The following MPZL1 variants were observed in gnomAD, a reference collection of about 807,000 sequenced individuals.
MPZL1 encodes the protein myelin protein zero like 1.
In MPZL1, 16 loss-of-function variants were observed where a neutral mutation model predicts 29.3. The ratio of observed to expected loss-of-function variants is 0.55; its 90% confidence interval spans 0.37 to 0.83. MPZL1 has a LOEUF of 0.83. Ranked by LOEUF, MPZL1 falls within the 40% of genes least tolerant of loss-of-function variation. MPZL1 has a pLI of 0.00. For missense variants in MPZL1, 279 were observed against 332.9 expected (o/e 0.84, Z 1.26); for synonymous variants, 143 against 132.0 (o/e 1.08, Z -0.57).
In MPZL1 at chr1:167,765,564, C is replaced by G. The variant is rs1480802497; in HGVS notation, c.92-19C>G. On this transcript the variant is annotated intron_variant, in intron 1 of 5. Coordinates refer to ENST00000359523, the MANE Select transcript of MPZL1 (RefSeq NM_003953.6). ...ATGTTAAGTCCTACTTTCAACTACC[C>G]TTATTCCTTTCTCTTCAGTGACAGC... 6.3e-6 allele frequency: 10 copies of G among 1,593,572 alleles called. No individual in the cohort carries two copies. Among genetic ancestry groups the G allele is most frequent in the Non-Finnish European group, 7.7e-6 (9 of 1,170,018 alleles).
chr1:167,736,305 A>G (rs1290846742), intron 1 of MPZL1, among the ~76,000 whole-genome samples: 4 of 152,148 alleles, frequency 2.6e-5, no homozygotes, highest in Non-Finnish European at 5.9e-5. Flanking sequence ...GACAGTGAAT[A>G]TGTGGCAGCT....
At chr1:167,760,247 G>A (rs1051416241) in intron 1 of MPZL1, among the ~76,000 whole-genome samples, 2 of 152,028 alleles carry the variant, frequency 1.3e-5, no homozygotes, top group Admixed American at 6.6e-5. Flanking sequence ...CTGTCACCCC[G>A]CCCAGAGTGT....
At chr1:167,753,536 T>C (rs2101769890) in intron 1 of MPZL1, among the ~76,000 whole-genome samples, 1 of 152,310 alleles carries the variant, frequency 6.6e-6, no homozygotes, top group Admixed American at 6.5e-5. Context: ...TCTTTCTCCA[T>C]TTAATTTACC....
intron 1 of MPZL1, among the ~76,000 whole-genome samples, chr1:167,741,183 ATTTTTTT>A: frequency 7.7e-6 from 1 of 130,234 alleles, no homozygotes; most frequent in Non-Finnish European, 1.6e-5. Context: ...CGCCTGGCTA[ATTTTTTT>A]TTTTTTTTTT....
chr1:167,724,030 A>G (rs61808921), intron 1 of MPZL1, among the ~76,000 whole-genome samples: 2 of 152,174 alleles, frequency 1.3e-5, no homozygotes, highest in Non-Finnish European at 2.9e-5. Flanking sequence ...CCTGGGCTCC[A>G]GTGATTCCTC....
At chr1:167,756,429 A>ATTT (rs11455159) in intron 1 of MPZL1, among the ~76,000 whole-genome samples, 9 of 94,628 alleles carry the variant, frequency 9.5e-5, no homozygotes, top group East Asian at 6.3e-4. Flanking sequence ...GTCTGGCCAG[A>ATTT]TTTTTTTTTT....
At chr1:167,755,749 G>A (rs1660856951) in intron 1 of MPZL1, among the ~76,000 whole-genome samples, 1 of 152,206 alleles carries the variant, frequency 6.6e-6, no homozygotes. Flanking sequence ...ATAGCACTTT[G>A]TGCATCCCAG....
At chr1:167,759,856 C>T (rs1660945117) in intron 1 of MPZL1, among the ~76,000 whole-genome samples, 1 of 152,122 alleles carries the variant, frequency 6.6e-6, no homozygotes, top group Non-Finnish European at 1.5e-5. Context: ...GTGGCTGCTG[C>T]AACATATTTG....
intron 1 of MPZL1, among the ~76,000 whole-genome samples, chr1:167,761,908 T>G (rs1423815826): frequency 6.6e-6 from 1 of 152,124 alleles, no homozygotes; most frequent in East Asian, 1.9e-4. Flanking sequence ...TGGTGGCCTA[T>G]GGGGTTTAGT....
intron 1 of MPZL1, among the ~76,000 whole-genome samples, chr1:167,735,281 C>T (rs561509291): frequency 3.9e-5 from 6 of 152,258 alleles, no homozygotes; most frequent in South Asian, 2.1e-4. Context: ...TAAAAGTACC[C>T]AATGGTGACA....
chr1:167,783,775 G>T (rs10489198), intron 5 of MPZL1, among the ~76,000 whole-genome samples: 5,423 of 152,084 alleles, frequency 0.036, 141 homozygotes, highest in Middle Eastern at 0.1. Flanking sequence ...TTGATAATCA[G>T]TATTTGTCTC....
At chr1:167,722,293 C>G in intron 1 of MPZL1, 51 bp downstream of exon 1, 1 of 1,232,694 alleles carries the variant, frequency 8.1e-7, no homozygotes, top group Non-Finnish European at 1.0e-6. Flanking sequence ...GCCCCCGGGC[C>G]CGACACACGC....
intron 1 of MPZL1, among the ~76,000 whole-genome samples, chr1:167,743,855 A>G (rs1419140544): frequency 1.3e-5 from 2 of 152,026 alleles, no homozygotes; most frequent in Admixed American, 6.6e-5. Context: ...TCAGCAAACA[A>G]CAACAGTTTG....
intron 1 of MPZL1, among the ~76,000 whole-genome samples, chr1:167,737,088 GC>G (rs1302349439): frequency 7.2e-5 from 11 of 152,130 alleles, no homozygotes; most frequent in Non-Finnish European, 1.6e-4. Context: ...CAAGCACTTT[GC>G]CTCTAAGCTT....
At position 167,788,143 on chromosome 1, in the gene MPZL1, A is replaced by G; in HGVS notation, c.*222A>G. On this transcript the variant is annotated 3_prime_UTR_variant, in exon 6 of 6. Transcript: ENST00000359523. ...TGTTGCATGATGAAAAGATGGTATG[A>G]TTCTACATATGTACCCATTGTCTTG... is the stretch of plus-strand genomic sequence containing the variant. 1 of 483,924 alleles carries G rather than the reference A, an allele frequency of 2.1e-6. No individual in the cohort carries two copies. The highest frequency in any genetic ancestry group is 3.8e-6 in the Non-Finnish European group (1 of 265,646). 30.0% of individuals were successfully genotyped at this position (483,924 alleles called of 1,614,324 possible). A position where few individuals can be genotyped will look rare whatever the true frequency, so the allele number is the denominator to read the frequency against.
chr1:167,783,996 T>C (rs1015791055), intron 5 of MPZL1, among the ~76,000 whole-genome samples: 1 of 152,210 alleles, frequency 6.6e-6, no homozygotes, highest in African/African-American at 2.4e-5. Context: ...TAAATAGGGC[T>C]ACAGGCTACA....
At chr1:167,736,930 T>G (rs1485431309) in intron 1 of MPZL1, among the ~76,000 whole-genome samples, 1 of 152,190 alleles carries the variant, frequency 6.6e-6, no homozygotes, top group Admixed American at 6.5e-5. Context: ...TGTACTTTAT[T>G]GATTTTTTGC....
intron 1 of MPZL1, among the ~76,000 whole-genome samples, chr1:167,757,809 C>G (rs964332854): frequency 1.3e-5 from 2 of 152,098 alleles, no homozygotes; most frequent in African/African-American, 4.8e-5. Flanking sequence ...AAAACAAAAG[C>G]CTTTTTCAGT....
intron 4 of MPZL1, 84 bp from the exon 5 acceptor site, chr1:167,775,980 G>T: frequency 1.2e-6 from 1 of 850,106 alleles, no homozygotes. Flanking sequence ...TCATCTTGCC[G>T]TCAGTTGCAT....
Sources: allele counts gnomAD v4.1 joint callset (sites outside exome capture counted in the v4.1 genomes callset), GRCh38; gene constraint gnomAD v4.1.1; transcripts MANE v1.5; gene names NCBI Gene and HGNC (gene_info 2026-07-23, HGNC 2026-07-21).